DGKB: variants seen among roughly 807,000 people sequenced by gnomAD.
The protein encoded by DGKB is 90 kDa diacylglycerol kinase.
In DGKB, 67 loss-of-function variants were observed where a neutral mutation model predicts 114.3. That is an observed-to-expected ratio of 0.59 (90% CI 0.48 to 0.72). The LOEUF is 0.72. DGKB is among the 30% of genes least tolerant of loss of function. The pLI, the probability that DGKB is intolerant of heterozygous loss-of-function variation, is 0.00. For missense variants in DGKB, 907 were observed against 975.2 expected, an observed-to-expected ratio of 0.93 and a Z score of 0.93; for synonymous variants, 398 against 323.1, an observed-to-expected ratio of 1.23 and a Z score of -2.49.
chr7:14,165,541 CAT>C (rs1298739903), intron 25 of DGKB, among the ~76,000 whole-genome samples: 1 of 152,148 alleles, frequency 6.6e-6, no homozygotes, highest in African/African-American at 2.4e-5. Context: ...AGTCAAGAAA[CAT>C]AGTTCTATCC....
In DGKB at chr7:14,705,040, A is replaced by T. The variant is rs552282299; in HGVS notation, c.467-3310T>A. Among the ~76,000 whole-genome samples, 253 of 149,244 alleles carry T rather than the reference A, an allele frequency of 1.7e-3. 1 individual carries two copies. Among genetic ancestry groups the T allele is most frequent in the Non-Finnish European group, 3.1e-3 (205 of 66,496 alleles). On this transcript the variant is annotated intron_variant, in intron 6 of 25. Transcript: ENST00000402815. ...TACTCTGAGCTACGGGAGGACATTC[A>T]AACCAAAGGCAAAGAAGTTGAAAAC...
At position 14,788,008 on chromosome 7, in the gene DGKB, C is replaced by G. The variant is rs73064798; in HGVS notation, c.71-30277G>C. Among the ~76,000 whole-genome samples, 275 of 152,336 alleles carry G rather than the reference C, an allele frequency of 1.8e-3. 1 individual carries two copies. In the Middle Eastern group the frequency reaches 0.027, roughly 15 times the overall value. Reference sequence around the variant, plus strand: ...GGCCTGGCCAAGGGCCTGGCTAAGACTGAGGTTATGACAGGAGAGTAAAGA... The same window carrying G: ...GGCCTGGCCAAGGGCCTGGCTAAGAGTGAGGTTATGACAGGAGAGTAAAGA... On this transcript the variant is annotated intron_variant, in intron 2 of 25. Transcript: ENST00000402815.
intron 23 of DGKB, among the ~76,000 whole-genome samples, chr7:14,304,486 T>C (rs187814065): frequency 9.9e-5 from 15 of 152,238 alleles, no homozygotes; most frequent in Admixed American, 9.8e-4. Flanking sequence ...CTTTTCTGCC[T>C]CAGAAGGCTA....
At chr7:14,398,792 C>G (rs189584052) in intron 21 of DGKB, among the ~76,000 whole-genome samples, 1 of 39,282 alleles carries the variant, frequency 2.5e-5, no homozygotes, top group African/African-American at 8.0e-5. Flanking sequence ...TGGTCTATGA[C>G]TAAAAAAAAA....
intron 3 of DGKB, among the ~76,000 whole-genome samples, chr7:14,756,309 C>G (rs1420421093): frequency 2.0e-5 from 3 of 151,966 alleles, no homozygotes; most frequent in Non-Finnish European, 2.9e-5. Context: ...GTTTCCCACC[C>G]TGCTTTCTTA....
At chr7:14,517,402 G>T (rs1051317426) in intron 20 of DGKB, among the ~76,000 whole-genome samples, 3 of 151,590 alleles carry the variant, frequency 2.0e-5, no homozygotes, top group African/African-American at 7.3e-5. Flanking sequence ...ATTTGGCAAA[G>T]ATTTCACAAC....
At chr7:14,424,882 A>G (rs989594651) in intron 21 of DGKB, among the ~76,000 whole-genome samples, 1 of 152,128 alleles carries the variant, frequency 6.6e-6, no homozygotes, top group Admixed American at 6.6e-5. Flanking sequence ...CTTCCTGTGG[A>G]CAAGGTCATA....
At chr7:14,874,661 A>C (rs1317981037) in intron 1 of DGKB, among the ~76,000 whole-genome samples, 1 of 152,108 alleles carries the variant, frequency 6.6e-6, no homozygotes, top group East Asian at 1.9e-4. Context: ...AACAATAATA[A>C]AAGAAGTGGG....
intron 1 of DGKB, among the ~76,000 whole-genome samples, chr7:14,844,849 G>C (rs911686988): frequency 6.6e-6 from 1 of 152,136 alleles, no homozygotes; most frequent in Non-Finnish European, 1.5e-5. Context: ...GCTCAAGCCT[G>C]TAATCCCAGC....
chr7:14,588,523 T>G (rs981202694), intron 17 of DGKB, among the ~76,000 whole-genome samples: 3 of 152,090 alleles, frequency 2.0e-5, no homozygotes, highest in Admixed American at 1.3e-4. Flanking sequence ...GTACTTTCTT[T>G]TCTTCTCTCC....
intron 1 of DGKB, among the ~76,000 whole-genome samples, chr7:14,852,703 A>T (rs894458072): frequency 3.9e-5 from 6 of 152,142 alleles, no homozygotes; most frequent in African/African-American, 7.2e-5. Flanking sequence ...CCGCCAGGAT[A>T]GAATACCGAT....
chr7:14,893,159 A>C (rs574447315), intron 1 of DGKB, among the ~76,000 whole-genome samples: 1 of 151,332 alleles, frequency 6.6e-6, no homozygotes, highest in African/African-American at 2.4e-5. Context: ...CTCTGTCTCC[A>C]TTTCCTGAAC....
At chr7:14,521,316 C>T (rs1390221180) in intron 20 of DGKB, among the ~76,000 whole-genome samples, 2 of 152,064 alleles carry the variant, frequency 1.3e-5, no homozygotes, top group Non-Finnish European at 2.9e-5. Context: ...AGAAACAACT[C>T]ACTATTCAAA....
At chr7:14,715,415 G>A (rs564793076) in intron 6 of DGKB, among the ~76,000 whole-genome samples, 72 of 152,140 alleles carry the variant, frequency 4.7e-4, no homozygotes, top group Non-Finnish European at 8.4e-4. Flanking sequence ...AGCACTTGAA[G>A]TTAGAAGGGC....
At chr7:14,198,634 C>T (rs1487552952) in intron 23 of DGKB, among the ~76,000 whole-genome samples, 1 of 151,976 alleles carries the variant, frequency 6.6e-6, no homozygotes, top group Admixed American at 6.6e-5. Context: ...AAAAATGAAG[C>T]TCTTATTGAC....
At chr7:14,244,425 G>A (rs952077201) in intron 23 of DGKB, among the ~76,000 whole-genome samples, 9 of 152,008 alleles carry the variant, frequency 5.9e-5, no homozygotes, top group Admixed American at 1.3e-4. Flanking sequence ...GGGAGGCTGA[G>A]GTGGGCGGAT....
chr7:14,363,783 A>C (rs1158307433), intron 21 of DGKB, among the ~76,000 whole-genome samples: 1 of 152,156 alleles, frequency 6.6e-6, no homozygotes, highest in Non-Finnish European at 1.5e-5. Context: ...AACATGCTCC[A>C]AAATATCAGC....
chr7:14,769,260 AAGAAAGAAAGAAAGAAAG>A (rs142003477), intron 2 of DGKB, among the ~76,000 whole-genome samples: 30,203 of 139,730 alleles, frequency 0.22, 3,782 homozygotes, highest in East Asian at 0.41. Context: ...GAAAGAAAGA[AAGAAAGAAAGAAAGAAAG>A]AAAGATTTTG....
At chr7:14,502,506 C>T (rs1018919230) in intron 20 of DGKB, among the ~76,000 whole-genome samples, 1 of 152,050 alleles carries the variant, frequency 6.6e-6, no homozygotes, top group South Asian at 2.1e-4. Context: ...ATATACAACT[C>T]TTAAGTAAAC....
Sources: allele counts gnomAD v4.1 joint callset (sites outside exome capture counted in the v4.1 genomes callset), GRCh38; gene constraint gnomAD v4.1.1; transcripts MANE v1.5; gene names NCBI Gene and HGNC (gene_info 2026-07-23, HGNC 2026-07-21).